Variants in DCAF8L2 observed in about 807,000 individuals in gnomAD.
The protein encoded by DCAF8L2 is DDB1 and CUL4 associated factor 8 like 2.
For synonymous variants in DCAF8L2, 200 were observed against 190.9 expected (o/e 1.05, Z -0.39); for missense variants, 430 against 490.7 (o/e 0.88, Z 1.17).
chrX:27,666,556 T>A (rs1282105868), intron 2 of DCAF8L2, among the ~76,000 whole-genome samples: 1 of 112,240 alleles, frequency 8.9e-6, no homozygotes, highest in Non-Finnish European at 1.9e-5. Flanking sequence ...ATAATTTAGA[T>A]CTTTCTAACT....
At chrX:27,703,190 A>G (rs5926868) in intron 3 of DCAF8L2, among the ~76,000 whole-genome samples, 55,874 of 110,150 alleles carry the variant, frequency 0.51, 10,643 homozygotes, top group African/African-American at 0.66. Flanking sequence ...ACAGAAATGA[A>G]AGATTTAAAT....
chrX:27,575,815 G>A, the DCAF8L2 span, among the ~76,000 whole-genome samples: 7 of 112,111 alleles, frequency 6.2e-5, no homozygotes, highest in South Asian at 7.5e-4. Flanking sequence ...TGGGATTCAT[G>A]TATAAAGGAA....
the DCAF8L2 span, among the ~76,000 whole-genome samples, chrX:27,575,813 A>G: frequency 1.8e-3 from 201 of 112,241 alleles, no homozygotes; most frequent in African/African-American, 6.2e-3. Context: ...CATGGGATTC[A>G]TGTATAAAGG....
At chrX:27,606,256 ATATATATATATAGGAAT>A (rs1471120408) in intron 1 of DCAF8L2, among the ~76,000 whole-genome samples, 5 of 92,895 alleles carry the variant, frequency 5.4e-5, no homozygotes, top group Admixed American at 2.5e-4. Flanking sequence ...GGAATTATAT[ATATATATATATAGGAAT>A]TATATATATA....
chrX:27,644,842 C>T (rs1928878885), intron 2 of DCAF8L2, among the ~76,000 whole-genome samples: 1 of 111,812 alleles, frequency 8.9e-6, no homozygotes, highest in African/African-American at 3.3e-5. Context: ...GCAACCTCCA[C>T]CTCCCAGGTT....
chrX:27,672,179 A>C (rs189617323), intron 2 of DCAF8L2, among the ~76,000 whole-genome samples: 55 of 112,165 alleles, frequency 4.9e-4, no homozygotes, highest in African/African-American at 1.8e-3. Flanking sequence ...TATTTACTGT[A>C]AAATAATCTG....
intron 3 of DCAF8L2, among the ~76,000 whole-genome samples, chrX:27,700,263 T>A (rs1468416201): frequency 9.1e-6 from 1 of 110,469 alleles, no homozygotes; most frequent in African/African-American, 3.3e-5. Flanking sequence ...CCAGTTCTCC[T>A]GAGTGCTGTA....
intron 3 of DCAF8L2, among the ~76,000 whole-genome samples, chrX:27,702,461 A>C (rs771662985): frequency 1.2e-3 from 132 of 110,541 alleles, no homozygotes; most frequent in African/African-American, 4.1e-3. Context: ...CAAAAAAAAA[A>C]ACTAGACAAC....
At chrX:27,638,106 T>G (rs1928573082) in intron 2 of DCAF8L2, among the ~76,000 whole-genome samples, 2 of 111,875 alleles carry the variant, frequency 1.8e-5, no homozygotes, top group South Asian at 7.4e-4. Context: ...GTATGGTAAT[T>G]TAAGGAAAGT....
intron 4 of DCAF8L2, among the ~76,000 whole-genome samples, chrX:27,742,723 A>T (rs992247097): frequency 8.9e-6 from 1 of 112,069 alleles, no homozygotes; most frequent in Non-Finnish European, 1.9e-5. Context: ...CAGCTATTTG[A>T]TTTGTTCTCT....
chrX:27,741,619 G>A lies in DCAF8L2; in HGVS notation c.-58-5219G>A, dbSNP rs140588647. Reference sequence around the variant, plus strand: ...TCAAGCCTTCTTCCTGTTGGTGACTGGGCACAGAATGATGAGCGCCACCTC... The same window carrying A: ...TCAAGCCTTCTTCCTGTTGGTGACTAGGCACAGAATGATGAGCGCCACCTC... On this transcript the variant is annotated intron_variant, in intron 4 of 4. Transcript: ENST00000451261. Among the ~76,000 whole-genome samples the A allele has an allele frequency of 7.7e-3, 855 of 111,706 alleles. 9 individuals carry two copies. The highest frequency in any genetic ancestry group is 0.026 in the African/African-American group (814 of 30,746).
At chrX:27,615,905 T>A (rs1030799637) in intron 1 of DCAF8L2, among the ~76,000 whole-genome samples, 1 of 110,971 alleles carries the variant, frequency 9.0e-6, no homozygotes, top group African/African-American at 3.3e-5. Context: ...ATATTTCACA[T>A]GTATGGCAGT....
chrX:27,552,238 T>C, the DCAF8L2 span, among the ~76,000 whole-genome samples: 2 of 111,919 alleles, frequency 1.8e-5, no homozygotes, highest in African/African-American at 6.5e-5. Flanking sequence ...TTTTTCCCAT[T>C]CTGTAGGTTG....
chrX:27,487,792 T>A, the DCAF8L2 span, among the ~76,000 whole-genome samples: 4 of 111,889 alleles, frequency 3.6e-5, no homozygotes, highest in South Asian at 1.5e-3. Context: ...TCCTTCACAC[T>A]CACAGCCTTA....
the DCAF8L2 span, among the ~76,000 whole-genome samples, chrX:27,505,127 A>G: frequency 2.7e-5 from 3 of 111,695 alleles, no homozygotes; most frequent in African/African-American, 9.7e-5. Flanking sequence ...CTACTCATGA[A>G]ATTATTTAAG....
chrX:27,623,063 T>A (rs897390400), intron 1 of DCAF8L2, among the ~76,000 whole-genome samples: 3 of 112,096 alleles, frequency 2.7e-5, no homozygotes, highest in African/African-American at 9.7e-5. Context: ...TATTTGCTGG[T>A]GACAAGAGAT....
chrX:27,635,706 G>C (rs1453233288), intron 2 of DCAF8L2, among the ~76,000 whole-genome samples: 2 of 111,200 alleles, frequency 1.8e-5, no homozygotes, highest in African/African-American at 6.5e-5. Flanking sequence ...AATTGAAAGT[G>C]ACACTTTTTT....
intron 2 of DCAF8L2, among the ~76,000 whole-genome samples, chrX:27,674,999 G>A (rs1930093116): frequency 9.0e-6 from 1 of 111,435 alleles, no homozygotes; most frequent in African/African-American, 3.3e-5. Flanking sequence ...GAATGAAATT[G>A]GAATTGCTTT....
intron 4 of DCAF8L2, among the ~76,000 whole-genome samples, chrX:27,740,101 A>G (rs759110057): frequency 3.6e-5 from 4 of 111,136 alleles, no homozygotes; most frequent in South Asian, 3.8e-4. Context: ...CGTAATAGCA[A>G]TGATGTCCGT....
Sources: allele counts gnomAD v4.1 joint callset (sites outside exome capture counted in the v4.1 genomes callset), GRCh38; gene constraint gnomAD v4.1.1; transcripts MANE v1.5; gene names NCBI Gene and HGNC (gene_info 2026-07-23, HGNC 2026-07-21).